Variants in NTRK1 observed in about 807,000 individuals in gnomAD.
NTRK1 encodes neurotrophic receptor tyrosine kinase 1.
Under a neutral mutation model 86.8 loss-of-function variants are expected in NTRK1, and 62 were observed. The observed-to-expected ratio is 0.71, with a 90% CI of 0.58 to 0.88. The LOEUF (loss-of-function observed/expected upper bound fraction) is 0.88, where lower values mean the gene tolerates loss of function less well. NTRK1 is among the 40% of genes least tolerant of loss of function. The pLI, the probability that NTRK1 is intolerant of heterozygous loss-of-function variation, is 0.00. For synonymous variants in NTRK1, 469 were observed against 456.6 expected (o/e 1.03, Z -0.35); for missense variants, 967 against 1,078.4 (o/e 0.90, Z 1.45).
chr1:156,854,370 G>A lies in NTRK1; in HGVS notation c.51-9984G>A. On this transcript the variant is annotated intron_variant, in intron 2 of 16. Coordinates refer to the NTRK1 transcript ENST00000392302. The surrounding 1 kb of genome is among the most constrained non-coding windows in gnomAD (Gnocchi z 4.2). ...CCAAATTCCCCATCCAGCCCTGGCA[G>A]CTTTGGAGGGGAGCCACACTGGCAG... 3.5e-6 allele frequency: 5 copies of A among 1,448,028 alleles called. No homozygotes were observed. The South Asian group carries it at 6.7e-5, about 19-fold the overall frequency. 89.7% of individuals were successfully genotyped at this position (1,448,028 alleles called of 1,614,324 possible).
chr1:156,844,588 C>T lies in NTRK1; in HGVS notation c.50+2395C>T, dbSNP rs770388529. ...GCCAGGTGGACTCCCCCAAACTTCG[C>T]ATATCGAAGACGGGACACACACAGC... On this transcript the variant is annotated intron_variant, in intron 2 of 16. Transcript: ENST00000392302. 2 of 1,614,204 alleles carry T rather than the reference C, an allele frequency of 1.2e-6. No homozygotes were observed. The highest frequency in any genetic ancestry group is 1.7e-5 in the Admixed American group (1 of 60,030).
Position 156,864,397 on chromosome 1 carries a change from G to T in NTRK1, c.256G>T (p.Asp86Tyr), listed in dbSNP as rs774266965. Reference sequence around the variant, plus strand: ...GCATCTGCAGCATCTGGAGCTCCGTGATCTGAGGGGCCTGGGGGAGCTGAG... The same window carrying T: ...GCATCTGCAGCATCTGGAGCTCCGTTATCTGAGGGGCCTGGGGGAGCTGAG... ...QQHLQHLELR[D>Y]LRGLGELRNL... is the part of the protein sequence containing the mutation. Residue 86 changes from aspartate (D) to tyrosine (Y), a missense_variant, in exon 2 of 17, where the codon GAT (aspartate) becomes TAT (tyrosine). Asp to Tyr is a radical substitution (Grantham distance 160). Transcript: ENST00000524377. The T allele has an allele frequency of 1.8e-5, 29 of 1,614,038 alleles. No individual in the cohort carries two copies. Among genetic ancestry groups the T allele is most frequent in the Non-Finnish European group, 2.3e-5 (27 of 1,180,022 alleles).
At chr1:156,835,156 C>T (rs1654567549) in intron 1 of NTRK1, among the ~76,000 whole-genome samples, 1 of 152,108 alleles carries the variant, frequency 6.6e-6, no homozygotes, top group African/African-American at 2.4e-5. Flanking sequence ...CCTAGGGTTG[C>T]TAGGAATCTC....
At chr1:156,829,194 T>C (rs566444005) in intron 1 of NTRK1, among the ~76,000 whole-genome samples, 13 of 151,332 alleles carry the variant, frequency 8.6e-5, no homozygotes, top group African/African-American at 3.2e-4. Context: ...AGATGTAGAG[T>C]AGGTGACGCT....
At chr1:156,821,800 G>A (rs905704493) in intron 1 of NTRK1, among the ~76,000 whole-genome samples, 2 of 152,174 alleles carry the variant, frequency 1.3e-5, no homozygotes, top group African/African-American at 4.8e-5. Context: ...GAAAGGAGGA[G>A]CGATTTATCT....
rs745372114 is a variant in NTRK1, at chr1:156,843,061, T to C, written c.50+868T>C. On this transcript the variant is annotated intron_variant, in intron 2 of 16. Coordinates refer to the NTRK1 transcript ENST00000392302. ...AAGCTTCCTTGAGGAACTCAATGCATTCCCGTGGGCTGGCCAGCTCATTCA... is the reference window on the plus strand; with the variant it reads ...AAGCTTCCTTGAGGAACTCAATGCACTCCCGTGGGCTGGCCAGCTCATTCA... 6.2e-6 allele frequency: 10 copies of C among 1,614,178 alleles called. No individual in the cohort carries two copies. The South Asian group carries it at 9.9e-5, about 16-fold the overall frequency.
intron 2 of NTRK1, chr1:156,851,639 T>C (rs1168177902): frequency 1.2e-6 from 2 of 1,614,048 alleles, no homozygotes; most frequent in Admixed American, 1.7e-5. Flanking sequence ...CCAAAGTAGG[T>C]ACTGACAGCC....
At chr1:156,864,246 T>C (rs1051027850) in intron 1 of NTRK1, 108 bp from the exon 2 acceptor site, 4 of 1,012,164 alleles carry the variant, frequency 4.0e-6, no homozygotes, top group Middle Eastern at 4.1e-4. Flanking sequence ...CAGGTGCATA[T>C]GCGTGTGCAT....
Position 156,874,641 on chromosome 1 carries a change from A to G in NTRK1, c.1251+15A>G, listed in dbSNP as rs780910852. The G allele has an allele frequency of 2.4e-5, 38 of 1,611,596 alleles. No individual in the cohort carries two copies. The highest frequency in any genetic ancestry group is 1.6e-4 in the Middle Eastern group (1 of 6,082). On this transcript the variant is annotated intron_variant, in intron 10 of 16. Transcript: ENST00000524377. ...CACCTTTTGGGGTGAGATAGGAAGT[A>G]GAAGCTTGTGCAGACTTTGGGACCG...
intron 2 of NTRK1, chr1:156,851,287 T>G: frequency 6.2e-7 from 1 of 1,614,138 alleles, no homozygotes; most frequent in South Asian, 1.1e-5. Flanking sequence ...GCCTAACCCT[T>G]ACCCATCCAC....
At chr1:156,844,090 C>T in intron 2 of NTRK1, 1 of 952,200 alleles carries the variant, frequency 1.1e-6, no homozygotes, top group Non-Finnish European at 1.6e-6. Context: ...TGTCTTTCTA[C>T]TGTCTCATCT....
intron 2 of NTRK1, chr1:156,845,139 G>A: frequency 1.2e-6 from 2 of 1,612,036 alleles, no homozygotes; most frequent in South Asian, 1.1e-5. Flanking sequence ...TGCGCCGCGT[G>A]GTTGCAGGCA....
At chr1:156,839,608 T>C (rs1392201885) in intron 1 of NTRK1, among the ~76,000 whole-genome samples, 1 of 152,116 alleles carries the variant, frequency 6.6e-6, no homozygotes, top group Non-Finnish European at 1.5e-5. Flanking sequence ...CCTGCTCTGC[T>C]GTGTGTTCCC....
chr1:156,865,205 C>T, intron 3 of NTRK1: 1 of 276,956 alleles, frequency 3.6e-6, no homozygotes, highest in Non-Finnish European at 7.1e-6. Context: ...GTTAGGTCTG[C>T]CACTTGTCAC....
chr1:156,873,082 G>T (rs537296468), intron 7 of NTRK1, among the ~76,000 whole-genome samples: 26 of 148,242 alleles, frequency 1.8e-4, no homozygotes, highest in African/African-American at 6.2e-4. Flanking sequence ...TGGGGTCTCA[G>T]CCTGTTGCCC....
At chr1:156,852,298 C>T in intron 2 of NTRK1, 1 of 1,098,132 alleles carries the variant, frequency 9.1e-7, no homozygotes, top group Non-Finnish European at 1.3e-6. Context: ...TCAATCTGCA[C>T]CCAGGTCCCT....
At chr1:156,870,423 G>A (rs1395681322) in intron 6 of NTRK1, among the ~76,000 whole-genome samples, 2 of 152,134 alleles carry the variant, frequency 1.3e-5, no homozygotes, top group Non-Finnish European at 2.9e-5. Context: ...TGGAGGAGAA[G>A]AGAGGCTGCT....
chr1:156,836,620 C>T (rs368226866), intron 1 of NTRK1, among the ~76,000 whole-genome samples: 2 of 152,308 alleles, frequency 1.3e-5, no homozygotes, highest in South Asian at 2.1e-4. Context: ...TCCCTCCTCC[C>T]TCCTCTTTCA....
chr1:156,841,881 C>G, intron 1 of NTRK1: 1 of 1,607,020 alleles, frequency 6.2e-7, no homozygotes, highest in East Asian at 2.2e-5. Flanking sequence ...TCCCAATCTT[C>G]TCATCCTCCA....
Sources: allele counts gnomAD v4.1 joint callset (sites outside exome capture counted in the v4.1 genomes callset), GRCh38; gene constraint gnomAD v4.1.1; non-coding constraint Gnocchi (gnomAD v3.1); transcripts MANE v1.5; gene names NCBI Gene and HGNC (gene_info 2026-07-23, HGNC 2026-07-21).